CADPS2: variants seen among roughly 807,000 people sequenced by gnomAD.
CADPS2 encodes the protein calcium dependent secretion activator 2, also known as calcium-dependent secretion activator 2.
A neutral mutation model predicts 172.5 loss-of-function variants in CADPS2; 93 were observed. The observed-to-expected ratio is 0.54, with a 90% confidence interval of 0.46 to 0.64. The LOEUF (loss-of-function observed/expected upper bound fraction) is 0.64. Among genes scored for constraint, CADPS2 ranks in the 30% least tolerant of loss-of-function variants. The pLI, the probability that CADPS2 is intolerant of heterozygous loss-of-function variation, is 0.00. For missense variants in CADPS2, 1,420 were observed against 1,565.9 expected (o/e 0.91, Z 1.57); for synonymous variants, 546 against 555.2 (o/e 0.98, Z 0.23).
Position 122,471,419 on chromosome 7 carries a change from G to C in CADPS2, c.2142C>G (p.Leu714=). The C allele has an allele frequency of 6.2e-7, 1 of 1,613,388 alleles. No individual in the cohort carries two copies. The highest frequency in any genetic ancestry group is 8.5e-7 in the Non-Finnish European group (1 of 1,179,654). ...ENGAVIDPTL[L]HYSFAFCASH... is the part of the protein sequence containing the mutation. ...AGGCACAGAATGCAAAGCTGTAATG[G>C]AGCAGGGTAGGGTCAATGACAGCAC... The change falls in exon 14 of 30, where the codon CTC becomes CTG. Residue 714 remains leucine (L), a synonymous_variant. Transcript: ENST00000449022.
intron 1 of CADPS2, among the ~76,000 whole-genome samples, chr7:122,837,708 A>G (rs1384270899): frequency 6.6e-6 from 1 of 152,134 alleles, no homozygotes; most frequent in Non-Finnish European, 1.5e-5. Context: ...GGACACATAC[A>G]CTCTCCCAAC....
At chr7:122,821,016 T>C (rs936942897) in intron 1 of CADPS2, among the ~76,000 whole-genome samples, 17 of 151,986 alleles carry the variant, frequency 1.1e-4, no homozygotes, top group Admixed American at 9.8e-4. Flanking sequence ...CTGACGCATA[T>C]ACTTTCTGCT....
At chr7:122,759,852 A>G (rs556383968) in intron 1 of CADPS2, among the ~76,000 whole-genome samples, 1 of 152,118 alleles carries the variant, frequency 6.6e-6, no homozygotes, top group African/African-American at 2.4e-5. Flanking sequence ...TAGCTAGCAA[A>G]GGAAGAAGCA....
At position 122,705,908 on chromosome 7, in the gene CADPS2, A is replaced by T. The variant is rs1451403156; in HGVS notation, c.453+31047T>A. 3.5e-4 allele frequency among the ~76,000 whole-genome samples: 2 copies of T among 5,716 alleles called. 1 individual carries two copies. The highest frequency in any genetic ancestry group is 8.9e-4 in the African/African-American group (2 of 2,238). The allele number at this position is 5,716 out of a possible 152,430, so 3.7% of individuals were successfully genotyped here. A position where few individuals can be genotyped will look rare whatever the true frequency, so the allele number is the denominator to read the frequency against. On this transcript the variant is annotated intron_variant, in intron 2 of 29. Transcript: ENST00000449022. ...TAATAAATATAATATAATATATAAT[A>T]TATTATATAATATAATATATAATAT...
intron 17 of CADPS2, among the ~76,000 whole-genome samples, chr7:122,425,528 C>A (rs1031241261): frequency 2.0e-5 from 3 of 151,772 alleles, no homozygotes; most frequent in African/African-American, 7.3e-5. Flanking sequence ...TTTGAGCCCA[C>A]CTGGGAGGCA....
At chr7:122,678,594 G>A in intron 2 of CADPS2, among the ~76,000 whole-genome samples, 1 of 152,184 alleles carries the variant, frequency 6.6e-6, no homozygotes, top group East Asian at 1.9e-4. Flanking sequence ...CTTAGCCTCT[G>A]AGTAGGGGCC....
At chr7:122,709,480 A>T (rs1484941976) in intron 2 of CADPS2, among the ~76,000 whole-genome samples, 1 of 151,938 alleles carries the variant, frequency 6.6e-6, no homozygotes, top group African/African-American at 2.4e-5. Context: ...TAGTTCAACC[A>T]TTGTGGAAGC....
intron 2 of CADPS2, among the ~76,000 whole-genome samples, chr7:122,713,035 C>A (rs2089008461): frequency 6.6e-6 from 1 of 151,966 alleles, no homozygotes; most frequent in East Asian, 1.9e-4. Flanking sequence ...CAAGGTAGGA[C>A]AGTTTAATCA....
chr7:122,663,242 A>C lies in CADPS2; in HGVS notation c.781T>G (p.Cys261Gly). ...AAATATCAGAGACCACTTACCTGAC[A>C]TGCATTATAAAGGAGCTGGTGTTCC... ...KLEHQLLYNA[C>G]QLDNADEQAA... is the part of the protein sequence containing the mutation. The change falls in exon 3 of 30, where the codon TGT becomes GGT. Residue 261 changes from cysteine to glycine, a missense_variant. Physicochemically the swap from Cys to Gly is radical, Grantham distance 159. Transcript: ENST00000449022. The C allele has an allele frequency of 6.2e-7, 1 of 1,606,152 alleles. No individual in the cohort carries two copies. The highest frequency in any genetic ancestry group is 8.5e-7 in the Non-Finnish European group (1 of 1,173,672).
At chr7:122,854,235 G>A (rs190988641) in intron 1 of CADPS2, among the ~76,000 whole-genome samples, 5 of 152,082 alleles carry the variant, frequency 3.3e-5, no homozygotes, top group African/African-American at 7.2e-5. Flanking sequence ...TGGGTGACTC[G>A]TGCCTGTAGT....
chr7:122,374,261 A>G (rs1288968201), intron 25 of CADPS2, among the ~76,000 whole-genome samples: 1 of 152,186 alleles, frequency 6.6e-6, no homozygotes, highest in African/African-American at 2.4e-5. Flanking sequence ...TCGACATAAT[A>G]AAGGCTATAT....
At chr7:122,725,735 A>G (rs2091016826) in intron 2 of CADPS2, among the ~76,000 whole-genome samples, 1 of 151,860 alleles carries the variant, frequency 6.6e-6, no homozygotes, top group African/African-American at 2.4e-5. Context: ...TTGAGGCTGC[A>G]GTGAGCTTTG....
chr7:122,467,929 T>C (rs1363720938), intron 14 of CADPS2, among the ~76,000 whole-genome samples: 1 of 152,238 alleles, frequency 6.6e-6, no homozygotes, highest in African/African-American at 2.4e-5. Flanking sequence ...GGTCTGTTTC[T>C]GTCCTTGACT....
intron 16 of CADPS2, among the ~76,000 whole-genome samples, 197 bp downstream of exon 16, chr7:122,441,315 G>A (rs781545577): frequency 4.6e-5 from 7 of 152,132 alleles, no homozygotes; most frequent in Non-Finnish European, 1.0e-4. Flanking sequence ...TTCAGTGTGA[G>A]GCTTCAGAAA....
In CADPS2 at chr7:122,471,542, T is replaced by A. The variant is rs200074600; in HGVS notation, c.2019A>T (p.Gln673His). 1.2e-6 allele frequency: 2 copies of A among 1,603,310 alleles called. No individual in the cohort carries two copies. Among genetic ancestry groups the A allele is most frequent in the East Asian group, 4.5e-5 (2 of 44,400 alleles). The change falls in exon 14 of 30, where the codon CAA becomes CAT. Residue 673 changes from glutamine (Q) to histidine (H), a missense_variant. Physicochemically the swap from Gln to His is conservative, Grantham distance 24. Coordinates refer to ENST00000449022, the MANE Select transcript of CADPS2 (RefSeq NM_017954.11). Reference sequence around the variant, plus strand: ...CACAGTACTCATCTAACACAAAGACTTGGCCAGGGCTAAACCATCCCTGCA... The same window carrying A: ...CACAGTACTCATCTAACACAAAGACATGGCCAGGGCTAAACCATCCCTGCA... ...YSCLGWFSPG[Q>H]VFVLDEYCAR...
chr7:122,692,913 T>C (rs1344792560), intron 2 of CADPS2, among the ~76,000 whole-genome samples: 1 of 152,246 alleles, frequency 6.6e-6, no homozygotes, highest in African/African-American at 2.4e-5. Context: ...TCTCTCTCTC[T>C]GGGCACAAGT....
intron 3 of CADPS2, among the ~76,000 whole-genome samples, chr7:122,660,718 T>C (rs959140169): frequency 2.0e-5 from 3 of 151,738 alleles, no homozygotes; most frequent in East Asian, 3.9e-4. Context: ...AGACCATCCC[T>C]GCCAACATGG....
rs1198320643 is a variant in CADPS2, at chr7:122,608,424, T to C, written c.1223+6757A>G. On this transcript the variant is annotated intron_variant, in intron 6 of 29. Coordinates refer to ENST00000449022, the MANE Select transcript of CADPS2 (RefSeq NM_017954.11). ...GTCTGTATTTAATCTCTCTTAAACA[T>C]TGTCTCAGTACCTTGCCATTCTGAT... 5.9e-5 allele frequency among the ~76,000 whole-genome samples: 9 copies of C among 152,348 alleles called. No individual in the cohort carries two copies. The East Asian group carries it at 7.7e-4, about 13-fold the overall frequency.
chr7:122,531,527 G>A (rs2061752201), intron 8 of CADPS2, among the ~76,000 whole-genome samples: 1 of 152,182 alleles, frequency 6.6e-6, no homozygotes, highest in Non-Finnish European at 1.5e-5. Context: ...AAGAGAATGA[G>A]TAGAGTCCCT....
Sources: gnomAD v4.1 joint callset for allele counts (sites outside exome capture counted in the v4.1 genomes callset) on GRCh38, gnomAD v4.1.1 for gene constraint, MANE v1.5 for transcripts, NCBI Gene and HGNC (gene_info 2026-07-23, HGNC 2026-07-21) for gene names.